The following PRR5L variants were observed in gnomAD, a reference collection of about 807,000 sequenced individuals.
The protein encoded by PRR5L is proline rich 5 like, also known as proline-rich protein 5-like.
In PRR5L, 21 loss-of-function variants were observed where a neutral mutation model predicts 36.4. The ratio of observed to expected loss-of-function variants is 0.58; its 90% CI spans 0.41 to 0.83. The LOEUF is 0.83. Ranked by LOEUF, PRR5L falls within the 40% of genes least tolerant of loss-of-function variation. PRR5L has a pLI of 0.00. For synonymous variants in PRR5L, 188 were observed against 197.0 expected, an observed-to-expected ratio of 0.95 and a Z score of 0.38; for missense variants, 381 against 473.3, an observed-to-expected ratio of 0.80 and a Z score of 1.81.
At chr11:36,336,529 C>CTTTTTTTT (rs36024089) in intron 1 of PRR5L, among the ~76,000 whole-genome samples, 1 of 104,266 alleles carries the variant, frequency 9.6e-6, no homozygotes, top group African/African-American at 3.5e-5. Context: ...CGCGCCTGGC[C>CTTTTTTTT]TTTTTTTTTT....
At chr11:36,375,663 T>G (rs1038021996) in intron 1 of PRR5L, among the ~76,000 whole-genome samples, 3 of 152,184 alleles carry the variant, frequency 2.0e-5, no homozygotes, top group African/African-American at 7.2e-5. Context: ...CACTAAATTC[T>G]TAACACCTGC....
chr11:36,354,285 G>A (rs886541647), intron 1 of PRR5L, among the ~76,000 whole-genome samples: 3 of 152,162 alleles, frequency 2.0e-5, no homozygotes, highest in Admixed American at 6.5e-5. Context: ...ACAAACCTAT[G>A]GAAGCTGCTC....
At chr11:36,318,132 C>T (rs960081433) in intron 1 of PRR5L, among the ~76,000 whole-genome samples, 4 of 152,086 alleles carry the variant, frequency 2.6e-5, no homozygotes, top group Non-Finnish European at 4.4e-5. Context: ...ACGCTGTACA[C>T]GTTTGTAGCC....
At chr11:36,444,541 G>A (rs1858788255) in intron 6 of PRR5L, among the ~76,000 whole-genome samples, 1 of 152,222 alleles carries the variant, frequency 6.6e-6, no homozygotes, top group Non-Finnish European at 1.5e-5. Flanking sequence ...TATTTGGAGT[G>A]CAGTTCAGGG....
intron 1 of PRR5L, chr11:36,388,196 A>G (rs182142129): frequency 6.6e-6 from 1 of 152,368 alleles, no homozygotes; most frequent in East Asian, 1.9e-4. Context: ...TTGCTAGCCC[A>G]TATGTTCCTG....
chr11:36,423,255 G>A (rs534882101), intron 4 of PRR5L, among the ~76,000 whole-genome samples: 2 of 152,152 alleles, frequency 1.3e-5, no homozygotes, highest in African/African-American at 4.8e-5. Context: ...GTATGTGTAC[G>A]TGTGTGTGCA....
chr11:36,302,323 G>A (rs2133448758), intron 1 of PRR5L, among the ~76,000 whole-genome samples: 1 of 152,288 alleles, frequency 6.6e-6, no homozygotes, highest in East Asian at 1.9e-4. Context: ...CTGTGTGTAG[G>A]CCTGCTGGCC....
chr11:36,330,231 A>G (rs7108441), intron 1 of PRR5L, among the ~76,000 whole-genome samples: 32,636 of 152,152 alleles, frequency 0.21, 4,155 homozygotes, highest in East Asian at 0.48. Flanking sequence ...AAGTATAGAG[A>G]GTTTAAGAGA....
rs775365641 is a variant in PRR5L at position 36,462,747 on chromosome 11, CT to C, written c.*12del. On this transcript the variant is annotated 3_prime_UTR_variant, in exon 9 of 9. Coordinates refer to ENST00000530639, the MANE Select transcript of PRR5L (RefSeq NM_001160167.2). ...GCTTCCCTCAGCTGAGTCGCCACCC[CT>C]GGGCCTTTCCATCTCCTGTTTTGCA... 5 of 1,518,418 alleles carry C rather than the reference CT, an allele frequency of 3.3e-6. No individual in the cohort carries two copies. In the South Asian group the frequency reaches 6.6e-5, roughly 20 times the overall value. The allele number at this position is 1,518,418 out of a possible 1,614,324, so 94.1% of individuals were successfully genotyped here.
At chr11:36,310,139 T>G in intron 1 of PRR5L, among the ~76,000 whole-genome samples, 1 of 152,130 alleles carries the variant, frequency 6.6e-6, no homozygotes, top group East Asian at 1.9e-4. Context: ...TACCCCAATT[T>G]ACTCTGTCCC....
chr11:36,342,323 G>A (rs1026278523), intron 1 of PRR5L, among the ~76,000 whole-genome samples: 2 of 152,132 alleles, frequency 1.3e-5, no homozygotes, highest in Non-Finnish European at 2.9e-5. Flanking sequence ...TAAAGCTGGA[G>A]ATCAGTAGGG....
chr11:36,461,609 G>A (rs1375255494), intron 8 of PRR5L, among the ~76,000 whole-genome samples: 4 of 95,414 alleles, frequency 4.2e-5, no homozygotes, highest in East Asian at 3.0e-4. Context: ...GGTAACAAGA[G>A]CAAAACTGTC....
rs1417349428 is a variant in PRR5L at position 36,463,751 on chromosome 11, A to T, written c.*1015A>T. On this transcript the variant is annotated 3_prime_UTR_variant, in exon 9 of 9. Transcript: ENST00000530639. ...ACAAGCAGAGCTCCTGGGAAAAGAG[A>T]CTGGAAGTGGTTCAGGATAAAGAGA... The T allele has an allele frequency of 3.3e-5, 5 of 152,440 alleles. No homozygotes were observed. The highest frequency in any genetic ancestry group is 7.4e-5 in the Non-Finnish European group (5 of 68,026). The allele number at this position is 152,440 out of a possible 1,614,324, so 9.4% of individuals were successfully genotyped here.
At chr11:36,414,176 G>A (rs1430818640) in intron 3 of PRR5L, among the ~76,000 whole-genome samples, 1 of 151,504 alleles carries the variant, frequency 6.6e-6, no homozygotes, top group African/African-American at 2.4e-5. Context: ...GTAAACATAC[G>A]TGTGCATGTG....
rs976787186 is a variant in PRR5L at position 36,377,681 on chromosome 11, C to G, written c.-125-23316C>G. ...TCACATGCTGCCGCCGCCTCTTCCCCCGCGGTGCCGGGAGCCCGCGTTTTG... is the reference window on the plus strand; with the variant it reads ...TCACATGCTGCCGCCGCCTCTTCCCGCGCGGTGCCGGGAGCCCGCGTTTTG... On this transcript the variant is annotated intron_variant, in intron 1 of 8. Transcript: ENST00000530639. This position sits in a 1 kb window ranked among gnomAD's most constrained non-coding sequence, Gnocchi z 5.1. 1 of 152,578 alleles carries G rather than the reference C, an allele frequency of 6.6e-6. No individual in the cohort carries two copies. Among genetic ancestry groups the G allele is most frequent in the Admixed American group, 6.5e-5 (1 of 15,300 alleles). The allele number at this position is 152,578 out of a possible 1,614,324, so 9.5% of individuals were successfully genotyped here. A position where few individuals can be genotyped will look rare whatever the true frequency, so the allele number is the denominator to read the frequency against.
At chr11:36,440,849 A>C (rs1212958909) in intron 6 of PRR5L, among the ~76,000 whole-genome samples, 2 of 152,196 alleles carry the variant, frequency 1.3e-5, no homozygotes, top group Non-Finnish European at 2.9e-5. Context: ...GGCAAGAGGA[A>C]GCAAGAGACA....
chr11:36,311,115 G>T (rs563049259), intron 1 of PRR5L, among the ~76,000 whole-genome samples: 17 of 152,234 alleles, frequency 1.1e-4, no homozygotes, highest in Non-Finnish European at 2.4e-4. Flanking sequence ...TGGGAGGAAG[G>T]AAGAGCTTGA....
At chr11:36,349,288 A>G (rs1224262165) in intron 1 of PRR5L, among the ~76,000 whole-genome samples, 1 of 151,478 alleles carries the variant, frequency 6.6e-6, no homozygotes, top group African/African-American at 2.4e-5. Context: ...CCAAAAAAAA[A>G]AAAAAAAAGA....
chr11:36,321,924 C>T (rs369777704), intron 1 of PRR5L, among the ~76,000 whole-genome samples: 2 of 152,018 alleles, frequency 1.3e-5, no homozygotes, highest in Non-Finnish European at 2.9e-5. Flanking sequence ...ATAAGGACAC[C>T]GGTCATATGG....
Sources: allele counts gnomAD v4.1 joint callset (sites outside exome capture counted in the v4.1 genomes callset), GRCh38; gene constraint gnomAD v4.1.1; non-coding constraint Gnocchi (gnomAD v3.1); transcripts MANE v1.5; gene names NCBI Gene and HGNC (gene_info 2026-07-23, HGNC 2026-07-21).